ZNF69: variants seen among roughly 807,000 people sequenced by gnomAD.
ZNF69 encodes zinc finger protein 69, also known as ZNF3.
In ZNF69, 47 loss-of-function variants were observed where a neutral mutation model predicts 50.9. The observed-to-expected ratio is 0.92, with a 90% CI of 0.73 to 1.18. The LOEUF is 1.18. Ranked by LOEUF, ZNF69 falls within the 50% of genes most tolerant of loss-of-function variation. The pLI is 0.00. For missense variants in ZNF69, 717 were observed against 675.1 expected, an observed-to-expected ratio of 1.06 and a Z score of -0.69; for synonymous variants, 216 against 223.1, an observed-to-expected ratio of 0.97 and a Z score of 0.29.
chr19:11,969,868 G>T, the ZNF69 span, among the ~76,000 whole-genome samples: 1 of 152,158 alleles, frequency 6.6e-6, no homozygotes, highest in Non-Finnish European at 1.5e-5. Flanking sequence ...TTGGGATGAG[G>T]TTCCTTTCTG....
chr19:11,959,981 G>A, the ZNF69 span, among the ~76,000 whole-genome samples: 5 of 148,868 alleles, frequency 3.4e-5, no homozygotes, highest in Non-Finnish European at 7.4e-5. Context: ...TTCATCTTCT[G>A]TGTTGCAGTT....
Position 11,906,358 on chromosome 19 carries a change from G to A in ZNF69, c.*260G>A. The A allele has an allele frequency of 1.0e-6, 1 of 968,050 alleles. No homozygotes were observed. The allele number at this position is 968,050 out of a possible 1,614,324, so 60.0% of individuals were successfully genotyped here. On this transcript the variant is annotated 3_prime_UTR_variant, in exon 4 of 4. Transcript: ENST00000429654. The stretch of plus-strand genomic sequence containing the variant: ...TCCCAGCATGGAGTTTGAGATCTAA[G>A]AATGGACAGTCTGCCTCCTCAAGTG...
chr19:11,918,880 A>G (rs1972543081), downstream of ZNF69, among the ~76,000 whole-genome samples: 1 of 149,308 alleles, frequency 6.7e-6, no homozygotes, highest in Admixed American at 6.7e-5. Flanking sequence ...TTCCATTTTC[A>G]TTATGATTAC....
At chr19:11,917,752 G>A (rs1972534386), downstream of ZNF69, among the ~76,000 whole-genome samples, 1 of 150,146 alleles carries the variant, frequency 6.7e-6, no homozygotes, top group Non-Finnish European at 1.5e-5. Context: ...CAGCCTCCTG[G>A]GTAGCCGGGA....
In ZNF69 at chr19:11,905,023, GA is replaced by G; in HGVS notation, c.627del (p.Arg209SerfsTer4). ...KTFISHSSIQ[R>X]HVVMHSGDGP... ...TTTATTTCCCATTCAAGCATTCAAA[GA>G]CACGTGGTAATGCACAGTGGGGATG... On this transcript the variant is annotated frameshift_variant, in exon 4 of 4. Transcript: ENST00000429654. LOFTEE classifies it high-confidence loss of function. 1 of 1,614,108 alleles carries G rather than the reference GA, an allele frequency of 6.2e-7. No individual in the cohort carries two copies. Among genetic ancestry groups the G allele is most frequent in the Non-Finnish European group, 8.5e-7 (1 of 1,180,022 alleles).
At chr19:11,963,851 C>G in the ZNF69 span, among the ~76,000 whole-genome samples, 2 of 152,234 alleles carry the variant, frequency 1.3e-5, no homozygotes, top group Non-Finnish European at 2.9e-5. Context: ...TCCACCCTCT[C>G]TCCAGGCCTG....
chr19:11,978,590 C>T, the ZNF69 span: 1 of 1,614,204 alleles, frequency 6.2e-7, no homozygotes, highest in East Asian at 2.2e-5. Flanking sequence ...AAAGAACTCA[C>T]ACTGGAGAGA....
chr19:11,951,754 GTTTTC>G, the ZNF69 span, among the ~76,000 whole-genome samples: 2 of 152,162 alleles, frequency 1.3e-5, no homozygotes, highest in African/African-American at 4.8e-5. Context: ...TTTGAAATAT[GTTTTC>G]TTTTATCACA....
rs1972350944 is a variant in ZNF69, at chr19:11,905,528, A to G, written c.1131A>G (p.Arg377=). 5.0e-6 allele frequency: 8 copies of G among 1,614,058 alleles called. No individual in the cohort carries two copies. Among genetic ancestry groups the G allele is most frequent in the Non-Finnish European group, 6.8e-6 (8 of 1,180,012 alleles). Residue 377 remains arginine (R), a synonymous_variant, in exon 4 of 4, where the codon AGA becomes AGG. Transcript: ENST00000429654. Reference sequence around the variant, plus strand: ...TTTGTTCTGCCAATTCATTTCAAAGACATGAAAAAACTCACAGTGGAGAGA... The same window carrying G: ...TTTGTTCTGCCAATTCATTTCAAAGGCATGAAAAAACTCACAGTGGAGAGA... ...KGFCSANSFQ[R]HEKTHSGEKP...
chr19:11,899,149 T>C (rs1972190318), intron 1 of ZNF69, among the ~76,000 whole-genome samples: 1 of 152,172 alleles, frequency 6.6e-6, no homozygotes, highest in South Asian at 2.1e-4. Context: ...CAACAAATGG[T>C]GATGTTCCTG....
the ZNF69 span, chr19:11,979,395 CA>C: frequency 6.2e-7 from 1 of 1,609,806 alleles, no homozygotes; most frequent in East Asian, 2.2e-5. Context: ...AGATCTGCCT[CA>C]CACCTTCAAA....
At chr19:11,945,761 C>G in the ZNF69 span, among the ~76,000 whole-genome samples, 1 of 152,010 alleles carries the variant, frequency 6.6e-6, no homozygotes, top group Non-Finnish European at 1.5e-5. Context: ...TTCCGGGTAA[C>G]TTTAGCTGTA....
At chr19:11,964,864 C>A in the ZNF69 span, among the ~76,000 whole-genome samples, 1 of 152,234 alleles carries the variant, frequency 6.6e-6, no homozygotes, top group Admixed American at 6.5e-5. Context: ...AAGCACCTCG[C>A]CCTTAGAGAA....
chr19:11,947,272 T>C, the ZNF69 span: 23 of 1,613,874 alleles, frequency 1.4e-5, no homozygotes, highest in Middle Eastern at 1.6e-4. Context: ...TTCAGGGAAG[T>C]GATGCTGGAA....
chr19:11,966,528 C>T, the ZNF69 span, among the ~76,000 whole-genome samples: 1 of 152,116 alleles, frequency 6.6e-6, no homozygotes, highest in African/African-American at 2.4e-5. Flanking sequence ...CATGCACCAC[C>T]ATGCCTGGCT....
chr19:11,912,924 G>T (rs1297764686), intron 4 of ZNF69, among the ~76,000 whole-genome samples: 1 of 152,194 alleles, frequency 6.6e-6, no homozygotes, highest in Non-Finnish European at 1.5e-5. Context: ...TAGTAAGGCC[G>T]GGTGCGGTGG....
chr19:11,920,582 C>G, the ZNF69 span, among the ~76,000 whole-genome samples: 2 of 151,974 alleles, frequency 1.3e-5, no homozygotes, highest in Non-Finnish European at 2.9e-5. Flanking sequence ...CTGTGCCAGG[C>G]CAAATGAAAG....
the ZNF69 span, chr19:11,950,321 G>T: frequency 6.7e-7 from 1 of 1,503,158 alleles, no homozygotes; most frequent in South Asian, 1.2e-5. Context: ...AAGCAATGTG[G>T]CAAAACTTTC....
At chr19:11,910,283 G>A (rs1180863617), downstream of ZNF69, among the ~76,000 whole-genome samples, 3 of 152,170 alleles carry the variant, frequency 2.0e-5, no homozygotes, top group Non-Finnish European at 4.4e-5. Context: ...TCCCCATCAA[G>A]CTACCGATGA....
Sources: gnomAD v4.1 joint callset for allele counts (sites outside exome capture counted in the v4.1 genomes callset) on GRCh38, gnomAD v4.1.1 for gene constraint, MANE v1.5 for transcripts, NCBI Gene and HGNC (gene_info 2026-07-23, HGNC 2026-07-21) for gene names.